ZNF536: variants seen among roughly 807,000 people sequenced by gnomAD.
ZNF536 encodes zinc finger protein 536.
Under a neutral mutation model 84.5 loss-of-function variants are expected in ZNF536, and 13 were observed. The observed-to-expected ratio is 0.15, with a 90% confidence interval of 0.10 to 0.24. ZNF536 has a LOEUF of 0.24. Among genes scored for constraint, ZNF536 ranks in the 10% least tolerant of loss-of-function variants. The pLI is 1.00. For synonymous variants in ZNF536, 811 were observed against 742.5 expected, an observed-to-expected ratio of 1.09 and a Z score of -1.50; for missense variants, 1,536 against 1,747.5, an observed-to-expected ratio of 0.88 and a Z score of 2.16.
intron 1 of ZNF536, among the ~76,000 whole-genome samples, chr19:30,377,600 TA>T (rs2048867192): frequency 1.3e-5 from 2 of 152,044 alleles, no homozygotes; most frequent in African/African-American, 4.8e-5. Flanking sequence ...ATATATAGGA[TA>T]AAAAAGATCA....
Position 30,262,036 on chromosome 19 carries a change from A to G in ZNF536, c.-189-22036A>G, listed in dbSNP as rs189137417. On this transcript the variant is annotated intron_variant, in intron 1 of 5. Coordinates refer to the ZNF536 transcript ENST00000585628. ...GCAATGCAATTACTGGCACCATGGG[A>G]GGTCTGCAGGTTCAAAGCTAGTGAT... Among the ~76,000 whole-genome samples, 240 of 152,286 alleles carry G rather than the reference A, an allele frequency of 1.6e-3. 2 individuals are homozygous for G. Among genetic ancestry groups the G allele is most frequent in the Admixed American group, 0.015 (224 of 15,306 alleles).
intron 2 of ZNF536, among the ~76,000 whole-genome samples, chr19:30,333,110 C>T (rs1193001500): frequency 6.6e-6 from 1 of 152,094 alleles, no homozygotes; most frequent in Non-Finnish European, 1.5e-5. Flanking sequence ...CAGATCACGT[C>T]ACTGCACTCC....
At chr19:30,540,525 T>C (rs1408244170) in intron 3 of ZNF536, among the ~76,000 whole-genome samples, 1 of 152,156 alleles carries the variant, frequency 6.6e-6, no homozygotes, top group African/African-American at 2.4e-5. Context: ...AACTCGCTCC[T>C]TCATCCCTAC....
At chr19:30,414,065 C>T (rs187629867) in intron 1 of ZNF536, among the ~76,000 whole-genome samples, 2 of 145,700 alleles carry the variant, frequency 1.4e-5, no homozygotes, top group East Asian at 4.1e-4. Context: ...TGCACTCCAA[C>T]CCCGGGCAAC....
intron 1 of ZNF536, among the ~76,000 whole-genome samples, chr19:30,231,809 T>G (rs1461644019): frequency 6.6e-6 from 1 of 152,064 alleles, no homozygotes; most frequent in African/African-American, 2.4e-5. Context: ...GTGATGTGTG[T>G]GTGTGTGTGT....
chr19:30,685,216 C>T (rs1449069053), intron 1 of ZNF536, among the ~76,000 whole-genome samples: 1 of 152,190 alleles, frequency 6.6e-6, no homozygotes, highest in African/African-American at 2.4e-5. Context: ...GGATTTTCTG[C>T]TCTGAGGGTG....
chr19:30,430,767 C>T (rs1422700526), intron 1 of ZNF536, among the ~76,000 whole-genome samples: 1 of 152,158 alleles, frequency 6.6e-6, no homozygotes. Context: ...CTCCACCTCC[C>T]CAGTTCAAGC....
chr19:30,564,238 G>A (rs1275098911), intron 1 of ZNF536, among the ~76,000 whole-genome samples: 2 of 152,166 alleles, frequency 1.3e-5, no homozygotes, highest in Non-Finnish European at 2.9e-5. Context: ...AGGAGGCTGA[G>A]GCAGGAGGAT....
At chr19:30,676,993 GAC>G (rs1345204822) in intron 1 of ZNF536, among the ~76,000 whole-genome samples, 1 of 151,940 alleles carries the variant, frequency 6.6e-6, no homozygotes, top group Non-Finnish European at 1.5e-5. Flanking sequence ...GTTGTGAGCC[GAC>G]ACACCCAGTC....
At chr19:30,702,888 A>C (rs1460804537) in intron 1 of ZNF536, among the ~76,000 whole-genome samples, 1 of 151,980 alleles carries the variant, frequency 6.6e-6, no homozygotes, top group African/African-American at 2.4e-5. Flanking sequence ...TCATCAAAAA[A>C]CCCAAACAAC....
chr19:30,605,434 A>G (rs939613910), intron 1 of ZNF536, among the ~76,000 whole-genome samples: 2 of 152,206 alleles, frequency 1.3e-5, no homozygotes, highest in African/African-American at 4.8e-5. Flanking sequence ...GAGAACATAC[A>G]GTATTTGGTT....
In ZNF536 at chr19:30,410,465, C is replaced by CTTTTTTTT. The variant is rs201561646; in HGVS notation, c.-2-33076_-2-33069dup. 2.4e-4 allele frequency among the ~76,000 whole-genome samples: 29 copies of CTTTTTTTT among 122,620 alleles called. 6 individuals are homozygous for CTTTTTTTT. Among genetic ancestry groups the CTTTTTTTT allele is most frequent in the African/African-American group, 1.0e-3 (25 of 24,972 alleles). 80.4% of individuals were successfully genotyped at this position (122,620 alleles called of 152,430 possible). A position where few individuals can be genotyped will look rare whatever the true frequency, so the allele number is the denominator to read the frequency against. On this transcript the variant is annotated intron_variant, in intron 1 of 4. Transcript: ENST00000355537. ...TAAATAAACAATGAAAAGTGAAGGT[C>CTTTTTTTT]TTTTTTTTTTTTTTTTTTTTTTTTT...
intron 2 of ZNF536, among the ~76,000 whole-genome samples, chr19:30,473,486 C>T (rs2053724466): frequency 6.6e-6 from 1 of 152,092 alleles, no homozygotes; most frequent in Non-Finnish European, 1.5e-5. Flanking sequence ...GACCCACTTG[C>T]AATAAATCTT....
chr19:30,645,875 T>C (rs2049446540), intron 1 of ZNF536, among the ~76,000 whole-genome samples: 1 of 152,190 alleles, frequency 6.6e-6, no homozygotes, highest in African/African-American at 2.4e-5. Context: ...TCACCAAGAA[T>C]GAAGAAACTA....
chr19:30,442,942 T>C (rs2052122996), intron 1 of ZNF536, among the ~76,000 whole-genome samples: 1 of 152,186 alleles, frequency 6.6e-6, no homozygotes, highest in Non-Finnish European at 1.5e-5. Flanking sequence ...CAAAATCCCT[T>C]TTATTATTCT....
intron 1 of ZNF536, among the ~76,000 whole-genome samples, chr19:30,564,678 C>A (rs1045906598): frequency 1.2e-4 from 19 of 152,150 alleles, no homozygotes; most frequent in African/African-American, 4.6e-4. Context: ...TTGCTCCACT[C>A]CCACCGCCAG....
chr19:30,712,218 A>G (rs1242573408), exon 2 of ZNF536: 1 of 152,176 alleles, frequency 6.6e-6, no homozygotes, highest in Non-Finnish European at 1.5e-5. Context: ...ACACAGAAGG[A>G]GATTTTGAGT....
chr19:30,520,772 TG>T (rs1466108924), intron 2 of ZNF536, among the ~76,000 whole-genome samples: 1 of 152,066 alleles, frequency 6.6e-6, no homozygotes, highest in African/African-American at 2.4e-5. Flanking sequence ...CTTTAGACCT[TG>T]TAGATGGTGG....
intron 1 of ZNF536, among the ~76,000 whole-genome samples, chr19:30,640,264 A>T (rs2049222202): frequency 6.6e-6 from 1 of 151,634 alleles, no homozygotes; most frequent in Non-Finnish European, 1.5e-5. Flanking sequence ...AGAAAAAAAA[A>T]ATTGGTTATA....
Sources: gnomAD v4.1 joint callset for allele counts (sites outside exome capture counted in the v4.1 genomes callset) on GRCh38, gnomAD v4.1.1 for gene constraint, MANE v1.5 for transcripts, NCBI Gene and HGNC (gene_info 2026-07-23, HGNC 2026-07-21) for gene names.